The following FRMD4A variants were observed in gnomAD, a reference collection of about 807,000 sequenced individuals.
FRMD4A encodes FERM domain-containing protein 4A.
A neutral mutation model predicts 129.1 loss-of-function variants in FRMD4A; 29 were observed. The observed-to-expected ratio is 0.22, with a 90% CI of 0.17 to 0.31. FRMD4A has a LOEUF of 0.31. FRMD4A is among the 10% of genes least tolerant of loss of function. The pLI, the probability that FRMD4A is intolerant of heterozygous loss-of-function variation, is 1.00. For missense variants in FRMD4A, 1,272 were observed against 1,375.8 expected (o/e 0.92, Z 1.19); for synonymous variants, 634 against 571.6 (o/e 1.11, Z -1.56).
intron 2 of FRMD4A, among the ~76,000 whole-genome samples, chr10:14,221,105 G>C (rs1564396678): frequency 6.6e-6 from 1 of 152,148 alleles, no homozygotes; most frequent in Non-Finnish European, 1.5e-5. Flanking sequence ...AGCGAATGGT[G>C]GCAAGACTTG....
chr10:14,051,782 C>T lies in FRMD4A; in HGVS notation c.46-192870G>A, dbSNP rs549421786. 5.3e-5 allele frequency among the ~76,000 whole-genome samples: 8 copies of T among 152,290 alleles called. No individual in the cohort carries two copies. The East Asian group carries it at 5.8e-4, about 11-fold the overall frequency. ...GCACCTCGGCAGCCTATGCAGTAAG[C>T]GTCTCTTCAGGAAAGGGCCCTGAGC... On this transcript the variant is annotated intron_variant, in intron 2 of 24. Transcript: ENST00000357447.
At chr10:14,243,830 T>TAAA (rs148913321) in intron 2 of FRMD4A, among the ~76,000 whole-genome samples, 7 of 142,734 alleles carry the variant, frequency 4.9e-5, no homozygotes, top group East Asian at 2.0e-4. Flanking sequence ...ATTACCACAA[T>TAAA]TAAAAAAAAA....
chr10:13,830,486 G>T (rs1458605852), intron 3 of FRMD4A, among the ~76,000 whole-genome samples: 2 of 152,224 alleles, frequency 1.3e-5, no homozygotes, highest in Non-Finnish European at 2.9e-5. Flanking sequence ...AGAGGTCAAG[G>T]TTCTTGTCCT....
chr10:14,277,070 G>T (rs1030324748), intron 2 of FRMD4A, among the ~76,000 whole-genome samples: 3 of 152,074 alleles, frequency 2.0e-5, no homozygotes, highest in Admixed American at 1.3e-4. Context: ...TTGCCAACTT[G>T]CCCAGGCTGG....
chr10:13,829,984 C>T (rs2093763758), intron 3 of FRMD4A, among the ~76,000 whole-genome samples: 1 of 152,236 alleles, frequency 6.6e-6, no homozygotes, highest in Non-Finnish European at 1.5e-5. Flanking sequence ...TCGCTGGCAC[C>T]TGATCGGATC....
chr10:13,788,934 T>G (rs1041852413), intron 5 of FRMD4A, among the ~76,000 whole-genome samples: 13 of 152,178 alleles, frequency 8.5e-5, no homozygotes, highest in Non-Finnish European at 1.9e-4. Context: ...TCCTCCTCCA[T>G]TCTCCCTGCT....
At chr10:13,778,767 C>T (rs577931795) in intron 6 of FRMD4A, among the ~76,000 whole-genome samples, 1 of 152,218 alleles carries the variant, frequency 6.6e-6, no homozygotes, top group Non-Finnish European at 1.5e-5. Flanking sequence ...CGAGGAGAGC[C>T]TCCCTCCAGG....
intron 2 of FRMD4A, among the ~76,000 whole-genome samples, chr10:14,079,162 C>T (rs1171500595): frequency 1.3e-5 from 2 of 152,218 alleles, no homozygotes; most frequent in East Asian, 3.8e-4. Context: ...TCATGAGGTG[C>T]TGCTGTTACC....
intron 2 of FRMD4A, among the ~76,000 whole-genome samples, chr10:14,231,182 C>A (rs958741516): frequency 8.5e-5 from 13 of 152,110 alleles, no homozygotes; most frequent in African/African-American, 2.9e-4. Flanking sequence ...GTTTTAAGTT[C>A]TTTGAGAAAT....
intron 12 of FRMD4A, among the ~76,000 whole-genome samples, chr10:13,726,750 G>T (rs905273652): frequency 6.6e-6 from 1 of 152,002 alleles, no homozygotes; most frequent in African/African-American, 2.4e-5. Context: ...AAGTAGCTGG[G>T]ACTACTCCTT....
intron 2 of FRMD4A, among the ~76,000 whole-genome samples, chr10:14,076,085 C>T (rs7095572): frequency 0.23 from 34,591 of 151,998 alleles, 4,474 homozygotes; most frequent in East Asian, 0.42. Flanking sequence ...TCTGAATAAC[C>T]GGGTTTCATT....
chr10:14,289,210 G>A (rs1446921662), intron 2 of FRMD4A, among the ~76,000 whole-genome samples: 7 of 152,008 alleles, frequency 4.6e-5, no homozygotes, highest in African/African-American at 1.2e-4. Context: ...TTGTATAGTG[G>A]CTGCACAATT....
intron 2 of FRMD4A, among the ~76,000 whole-genome samples, chr10:14,011,866 G>A (rs1022471182): frequency 1.3e-5 from 2 of 152,064 alleles, no homozygotes; most frequent in African/African-American, 4.8e-5. Flanking sequence ...AACATTAGCT[G>A]GGCATGGTGG....
At chr10:14,102,211 G>A (rs760515626) in intron 2 of FRMD4A, among the ~76,000 whole-genome samples, 1 of 152,146 alleles carries the variant, frequency 6.6e-6, no homozygotes, top group African/African-American at 2.4e-5. Flanking sequence ...TACCTTCACA[G>A]CATGCAGCTT....
At chr10:14,032,577 T>A (rs1337020716) in intron 2 of FRMD4A, among the ~76,000 whole-genome samples, 3 of 152,216 alleles carry the variant, frequency 2.0e-5, no homozygotes, top group Non-Finnish European at 2.9e-5. Context: ...TCACTGTTGC[T>A]GCCTGGGAAC....
At chr10:14,304,463 T>G (rs1846281914) in intron 2 of FRMD4A, among the ~76,000 whole-genome samples, 1 of 152,238 alleles carries the variant, frequency 6.6e-6, no homozygotes, top group Admixed American at 6.5e-5. Flanking sequence ...CGTCTCCTGA[T>G]TTCTTGCTTC....
chr10:14,303,817 T>C lies in FRMD4A; in HGVS notation c.45+26241A>G, dbSNP rs537071911. ...TTCTGATTTCTGTCTCTATGGTTTATTATTATCATGGTTTATTATTCTCTA... is the reference window on the plus strand; with the variant it reads ...TTCTGATTTCTGTCTCTATGGTTTACTATTATCATGGTTTATTATTCTCTA... On this transcript the variant is annotated intron_variant, in intron 2 of 24. Transcript: ENST00000357447. Among the ~76,000 whole-genome samples the C allele has an allele frequency of 2.6e-5, 4 of 152,334 alleles. No individual in the cohort carries two copies. In the East Asian group the frequency reaches 7.7e-4, roughly 29 times the overall value.
At chr10:14,232,537 T>G (rs1465270732) in intron 2 of FRMD4A, among the ~76,000 whole-genome samples, 1 of 143,234 alleles carries the variant, frequency 7.0e-6, no homozygotes, top group East Asian at 2.0e-4. Context: ...GGACAGGTAT[T>G]GATTCTTCCT....
At chr10:14,286,353 C>A (rs768066454) in intron 2 of FRMD4A, among the ~76,000 whole-genome samples, 1 of 152,188 alleles carries the variant, frequency 6.6e-6, no homozygotes, top group African/African-American at 2.4e-5. Flanking sequence ...GAGACGCTCC[C>A]GTGTCCCTCA....
Sources: gnomAD v4.1 joint callset for allele counts (sites outside exome capture counted in the v4.1 genomes callset) on GRCh38, gnomAD v4.1.1 for gene constraint, MANE v1.5 for transcripts, NCBI Gene and HGNC (gene_info 2026-07-23, HGNC 2026-07-21) for gene names.